The following ADORA3 variants were observed in gnomAD, a reference collection of about 807,000 sequenced individuals.
The protein encoded by ADORA3 is adenosine receptor A3.
A neutral mutation model predicts 5.7 loss-of-function variants in ADORA3; 3 were observed. That is an observed-to-expected ratio of 0.52 (90% CI 0.24 to 1.35). ADORA3 has a LOEUF of 1.35. Ranked by LOEUF, ADORA3 falls within the 40% of genes most tolerant of loss-of-function variation. The pLI is 0.17. For synonymous variants in ADORA3, 168 were observed against 152.3 expected (o/e 1.10, Z -0.76); for missense variants, 343 against 389.0 (o/e 0.88, Z 0.99).
In ADORA3 at chr1:111,499,758, C is replaced by G; in HGVS notation, c.*192G>C. The G allele has an allele frequency of 7.1e-7, 1 of 1,416,174 alleles. No homozygotes were observed. Among genetic ancestry groups the G allele is most frequent in the Non-Finnish European group, 9.2e-7 (1 of 1,087,850 alleles). The allele number at this position is 1,416,174 out of a possible 1,614,324, so 87.7% of individuals were successfully genotyped here. ...AAAACACTGAATTAGAGAGAAAGGA[C>G]AAGGGAAAAATGAAGTGGAGGAAGA... On this transcript the variant is annotated 3_prime_UTR_variant, in exon 2 of 2. Transcript: ENST00000241356.
At position 111,503,536 on chromosome 1, in the gene ADORA3, C is replaced by T. The variant is rs1655364276; in HGVS notation, c.-182G>A. 2.1e-6 allele frequency: 3 copies of T among 1,419,338 alleles called. No homozygotes were observed. Among genetic ancestry groups the T allele is most frequent in the African/African-American group, 2.9e-5 (2 of 69,428 alleles). The allele number at this position is 1,419,338 out of a possible 1,614,324, so 87.9% of individuals were successfully genotyped here. A position where few individuals can be genotyped will look rare whatever the true frequency, so the allele number is the denominator to read the frequency against. ...GGGTGATCTCTTGGAAACCCTTCTC[C>T]TTAGAAAGGGCTCATCACAGGTGGG... On this transcript the variant is annotated 5_prime_UTR_variant, in exon 1 of 2. Transcript: ENST00000241356.
intron 1 of ADORA3, among the ~76,000 whole-genome samples, chr1:111,502,654 A>G (rs1470924854): frequency 6.6e-6 from 1 of 150,782 alleles, no homozygotes; most frequent in Non-Finnish European, 1.5e-5. Flanking sequence ...AATAAGTCTT[A>G]TCTAGTAGGC....
At position 111,503,540 on chromosome 1, in the gene ADORA3, G is replaced by A. The variant is rs1655364522; in HGVS notation, c.-186C>T. On this transcript the variant is annotated 5_prime_UTR_variant, in exon 1 of 2. Transcript: ENST00000241356. Reference sequence around the variant, plus strand: ...GATCTCTTGGAAACCCTTCTCCTTAGAAAGGGCTCATCACAGGTGGGTCAC... The same window carrying A: ...GATCTCTTGGAAACCCTTCTCCTTAAAAAGGGCTCATCACAGGTGGGTCAC... 2 of 1,416,384 alleles carry A rather than the reference G, an allele frequency of 1.4e-6. No homozygotes were observed. The highest frequency in any genetic ancestry group is 1.8e-6 in the Non-Finnish European group (2 of 1,087,998). 87.7% of individuals were successfully genotyped at this position (1,416,384 alleles called of 1,614,324 possible). A position where few individuals can be genotyped will look rare whatever the true frequency, so the allele number is the denominator to read the frequency against.
In ADORA3 at chr1:111,502,447, G is replaced by A. The variant is rs183333314; in HGVS notation, c.350+558C>T. On this transcript the variant is annotated intron_variant, in intron 1 of 1. Transcript: ENST00000241356. ...ATAGGATACATATATTTATTATAAT[G>A]AATATATATAGGATACATATATTTA... is the stretch of plus-strand genomic sequence containing the variant. Among the ~76,000 whole-genome samples the A allele has an allele frequency of 2.2e-4, 17 of 78,026 alleles. 2 individuals carry two copies. The highest frequency in any genetic ancestry group is 7.3e-4 in the African/African-American group (12 of 16,540). 51.2% of individuals were successfully genotyped at this position (78,026 alleles called of 152,430 possible).
chr1:111,503,391 A>G lies in ADORA3; in HGVS notation c.-37T>C, dbSNP rs780160555. The G allele has an allele frequency of 7.0e-6, 11 of 1,570,086 alleles. No homozygotes were observed. Among genetic ancestry groups the G allele is most frequent in the Non-Finnish European group, 9.5e-6 (11 of 1,154,264 alleles). On this transcript the variant is annotated 5_prime_UTR_variant, in exon 1 of 2. Coordinates refer to ENST00000241356, the MANE Select transcript of ADORA3 (RefSeq NM_000677.4). ...AGGGGAACCTCCACAGGGACAGGTG[A>G]GCCAGCAAGATCCGTCTGTAGGGCC...
At position 111,502,334 on chromosome 1, in the gene ADORA3, ATATT is replaced by A. The variant is rs1289024259; in HGVS notation, c.350+667_350+670del. Reference sequence around the variant, plus strand: ...TATAATGAATATATATAGGATACATATATTTATTATAATGAATATATATAGGATA... The same window carrying A: ...TATAATGAATATATATAGGATACATATATTATAATGAATATATATAGGATA... On this transcript the variant is annotated intron_variant, in intron 1 of 1. Transcript: ENST00000241356. Among the ~76,000 whole-genome samples the A allele has an allele frequency of 2.2e-5, 3 of 139,388 alleles. No individual in the cohort carries two copies. The East Asian group carries it at 6.0e-4, about 28-fold the overall frequency. The allele number at this position is 139,388 out of a possible 152,430, so 91.4% of individuals were successfully genotyped here. A position where few individuals can be genotyped will look rare whatever the true frequency, so the allele number is the denominator to read the frequency against.
chr1:111,500,448 C>G lies in ADORA3; in HGVS notation c.459G>C (p.Leu153=). 1.9e-6 allele frequency: 3 copies of G among 1,614,072 alleles called. No individual in the cohort carries two copies. Among genetic ancestry groups the G allele is most frequent in the Non-Finnish European group, 2.5e-6 (3 of 1,180,042 alleles). The change falls in exon 2 of 2, where the codon CTG becomes CTC. Residue 153 remains leucine (L), a synonymous_variant. Transcript: ENST00000241356. ...LTPMFGWNMK[L]TSEYHRNVTF... is the part of the protein sequence containing the mutation. ...TGACATTTCTGTGGTACTCTGAGGT[C>G]AGTTTCATGTTCCAGCCAAACATGG... is the stretch of plus-strand genomic sequence containing the variant.
Position 111,503,121 on chromosome 1 carries a change from G to A in ADORA3, c.234C>T (p.Ile78=), listed in dbSNP as rs1017774893. The change falls in exon 1 of 2, where the codon ATC becomes ATT. Residue 78 remains isoleucine, a synonymous_variant. Coordinates refer to ENST00000241356, the MANE Select transcript of ADORA3 (RefSeq NM_000677.4). The part of the protein sequence containing the change: ...LAIVVSLGIT[I]HFYSCLFMTC... ...TCATAAAAAGGCAGCTGTAGAAGTG[G>A]ATTGTGATGCCCAGGCTGACAACAA... 1 of 1,614,222 alleles carries A rather than the reference G, an allele frequency of 6.2e-7. No individual in the cohort carries two copies. The highest frequency in any genetic ancestry group is 8.5e-7 in the Non-Finnish European group (1 of 1,180,030).
At chr1:111,500,653 G>T in intron 1 of ADORA3, 97 bp from the exon 2 acceptor site, 1 of 1,165,694 alleles carries the variant, frequency 8.6e-7, no homozygotes, top group Non-Finnish European at 1.2e-6. Flanking sequence ...GTGAGATAAG[G>T]CATATACTCT....
In ADORA3 at chr1:111,499,551, TCTCTG is replaced by T; in HGVS notation, c.*394_*398del. On this transcript the variant is annotated 3_prime_UTR_variant, in exon 2 of 2. Coordinates refer to ENST00000241356, the MANE Select transcript of ADORA3 (RefSeq NM_000677.4). ...TCCTAGGCATCCTCCGAGAGCAGGT[TCTCTG>T]CTCAATTCCACAATGGTATGGAAAT... 1 of 1,013,042 alleles carries T rather than the reference TCTCTG, an allele frequency of 9.9e-7. No homozygotes were observed. The highest frequency in any genetic ancestry group is 5.0e-4 in the Middle Eastern group (1 of 1,982). 62.8% of individuals were successfully genotyped at this position (1,013,042 alleles called of 1,614,324 possible).
chr1:111,500,232 C>T lies in ADORA3; in HGVS notation c.675G>A (p.Glu225=). 1 of 1,614,162 alleles carries T rather than the reference C, an allele frequency of 6.2e-7. No homozygotes were observed. The change falls in exon 2 of 2, where the codon GAG becomes GAA. Residue 225 remains glutamate (E), a synonymous_variant. Transcript: ENST00000241356. ...SKETGAFYGR[E]FKTAKSLFLV... ...GAAACAAGGACTTAGCCGTCTTGAA[C>T]TCCCGTCCATAAAATGCACCTGTCT...
chr1:111,502,715 C>G (rs1290244792), intron 1 of ADORA3, among the ~76,000 whole-genome samples: 1 of 151,300 alleles, frequency 6.6e-6, no homozygotes, highest in Non-Finnish European at 1.5e-5. Context: ...AAAGATGCAT[C>G]AAGATTTCAT....
At chr1:111,502,118 A>ATG in intron 1 of ADORA3, among the ~76,000 whole-genome samples, 1 of 94,682 alleles carries the variant, frequency 1.1e-5, no homozygotes, top group South Asian at 3.2e-4. Flanking sequence ...AATATAATAA[A>ATG]TATATAGGAT....
rs897923167 is a variant in ADORA3 at position 111,502,366 on chromosome 1, T to C, written c.350+639A>G. 4.2e-4 allele frequency among the ~76,000 whole-genome samples: 54 copies of C among 128,526 alleles called. 17 individuals carry two copies. The highest frequency in any genetic ancestry group is 2.0e-3 in the East Asian group (8 of 3,976). The allele number at this position is 128,526 out of a possible 152,430, so 84.3% of individuals were successfully genotyped here. On this transcript the variant is annotated intron_variant, in intron 1 of 1. Coordinates refer to ENST00000241356, the MANE Select transcript of ADORA3 (RefSeq NM_000677.4). ...TTATAATGAATATATATAGGATACA[T>C]ATATTTATTATAATGAATATATATA...
rs12126504 is a variant in ADORA3, at chr1:111,502,167, T to A, written c.350+838A>T. ...AATAAATATATAGGATATATATTTA[T>A]TATAATAAATATATAGGATATATAT... On this transcript the variant is annotated intron_variant, in intron 1 of 1. Coordinates refer to ENST00000241356, the MANE Select transcript of ADORA3 (RefSeq NM_000677.4). Among the ~76,000 whole-genome samples the A allele has an allele frequency of 3.3e-3, 253 of 77,172 alleles. 3 individuals are homozygous for A. Among genetic ancestry groups the A allele is most frequent in the African/African-American group, 0.012 (203 of 17,152 alleles). The allele number at this position is 77,172 out of a possible 152,430, so 50.6% of individuals were successfully genotyped here.
Position 111,499,978 on chromosome 1 carries a change from T to A in ADORA3, c.929A>T (p.Asp310Val). 6.2e-7 allele frequency: 1 copy of A among 1,614,130 alleles called. No individual in the cohort carries two copies. Among genetic ancestry groups the A allele is most frequent in the Non-Finnish European group, 8.5e-7 (1 of 1,179,990 alleles). ...CTCAGAATTCTTCTCAATGCTTGTG[T>A]CCAAAGAATCAGAGGGATGGCAGAC... ...CVVCHPSDSL[D>V]TSIEKNSE The change falls in exon 2 of 2, where the codon GAC (aspartate) becomes GTC (valine). Residue 310 changes from aspartate to valine, a missense_variant. Asp to Val is a radical substitution (Grantham distance 152, BLOSUM62 -3). Coordinates refer to ENST00000241356, the MANE Select transcript of ADORA3 (RefSeq NM_000677.4).
Position 111,500,223 on chromosome 1 carries a change from C to T in ADORA3, c.684G>A (p.Thr228=), listed in dbSNP as rs371490424. The T allele has an allele frequency of 2.9e-5, 46 of 1,613,978 alleles. No individual in the cohort carries two copies. Among genetic ancestry groups the T allele is most frequent in the Admixed American group, 5.0e-5 (3 of 59,996 alleles). The change falls in exon 2 of 2, where the codon ACG becomes ACA. Residue 228 remains threonine, a synonymous_variant. Coordinates refer to ENST00000241356, the MANE Select transcript of ADORA3 (RefSeq NM_000677.4). ...AAAGAACCAGAAACAAGGACTTAGC[C>T]GTCTTGAACTCCCGTCCATAAAATG... ...TGAFYGREFK[T]AKSLFLVLFL... is the part of the protein sequence containing the mutation.
chr1:111,501,921 T>G (rs941739916), intron 1 of ADORA3, among the ~76,000 whole-genome samples: 1 of 151,028 alleles, frequency 6.6e-6, no homozygotes, highest in African/African-American at 2.4e-5. Flanking sequence ...GTTCGTTCTA[T>G]TCATATGGTC....
Position 111,502,433 on chromosome 1 carries a change from ATATT to A in ADORA3, c.350+568_350+571del, listed in dbSNP as rs1302175539. Among the ~76,000 whole-genome samples, 44 of 140,800 alleles carry A rather than the reference ATATT, an allele frequency of 3.1e-4. 1 individual carries two copies. Among genetic ancestry groups the A allele is most frequent in the African/African-American group, 1.1e-3 (43 of 38,170 alleles). 92.4% of individuals were successfully genotyped at this position (140,800 alleles called of 152,430 possible). A position where few individuals can be genotyped will look rare whatever the true frequency, so the allele number is the denominator to read the frequency against. On this transcript the variant is annotated intron_variant, in intron 1 of 1. Transcript: ENST00000241356. ...TATAGTGAATATATATAGGATACATATATTTATTATAATGAATATATATAGGATA... is the reference window on the plus strand; with the variant it reads ...TATAGTGAATATATATAGGATACATATATTATAATGAATATATATAGGATA...
Sources: allele counts gnomAD v4.1 joint callset (sites outside exome capture counted in the v4.1 genomes callset), GRCh38; gene constraint gnomAD v4.1.1; transcripts MANE v1.5; gene names NCBI Gene and HGNC (gene_info 2026-07-23, HGNC 2026-07-21).